ENPP6: variants seen among roughly 807,000 people sequenced by gnomAD.
The protein encoded by ENPP6 is ectonucleotide pyrophosphatase/phosphodiesterase 6.
ENPP6 carries 32 observed loss-of-function variants against 42.0 expected under a neutral mutation model. The observed-to-expected ratio is 0.76, with a 90% CI of 0.58 to 1.02. ENPP6 has a LOEUF of 1.02. ENPP6 is among the 50% of genes least tolerant of loss of function. The probability of loss-of-function intolerance (pLI) is 0.00; values close to 1 mark genes in which losing one functional copy is unlikely to be tolerated. For missense variants in ENPP6, 552 were observed against 566.8 expected (o/e 0.97, Z 0.27); for synonymous variants, 213 against 216.0 (o/e 0.99, Z 0.12).
chr4:184,198,893 C>T (rs968345838), intron 1 of ENPP6, among the ~76,000 whole-genome samples: 1 of 152,164 alleles, frequency 6.6e-6, no homozygotes, highest in African/African-American at 2.4e-5. Flanking sequence ...TACCATGATT[C>T]CTGGTTTCTT....
intron 2 of ENPP6, among the ~76,000 whole-genome samples, chr4:184,127,083 G>T (rs1736517459): frequency 2.0e-5 from 3 of 152,040 alleles, no homozygotes. Flanking sequence ...TTTTAAAAAA[G>T]ATTATTGACT....
intron 1 of ENPP6, among the ~76,000 whole-genome samples, chr4:184,192,513 T>C (rs80108053): frequency 0.024 from 3,617 of 152,200 alleles, 141 homozygotes; most frequent in African/African-American, 0.083. Flanking sequence ...AACATAGGAG[T>C]AAATCATCAC....
intron 1 of ENPP6, among the ~76,000 whole-genome samples, chr4:184,189,479 G>C (rs1004212268): frequency 6.6e-6 from 1 of 152,154 alleles, no homozygotes; most frequent in African/African-American, 2.4e-5. Flanking sequence ...AAAAAGTAAA[G>C]GTAAGCATGG....
chr4:184,192,030 A>T (rs1732718416), intron 1 of ENPP6, among the ~76,000 whole-genome samples: 1 of 152,242 alleles, frequency 6.6e-6, no homozygotes. Flanking sequence ...CAGAAGACTT[A>T]GTATTGTTAA....
intron 2 of ENPP6, among the ~76,000 whole-genome samples, chr4:184,146,023 CTTTTTTTTT>C (rs70959175): frequency 1.4e-5 from 2 of 142,010 alleles, no homozygotes; most frequent in South Asian, 4.5e-4. Flanking sequence ...TTTTCTTTTT[CTTTTTTTTT>C]TTTTTGGTTT....
intron 2 of ENPP6, among the ~76,000 whole-genome samples, chr4:184,142,305 G>A (rs371829957): frequency 1.3e-5 from 2 of 152,350 alleles, no homozygotes; most frequent in African/African-American, 2.4e-5. Context: ...TATGTGTTGC[G>A]AGACAGGTGT....
rs376053175 is a variant in ENPP6 at position 184,091,123 on chromosome 4, T to G, written c.*54A>C. On this transcript the variant is annotated 3_prime_UTR_variant, in exon 8 of 8. Coordinates refer to ENST00000296741, the MANE Select transcript of ENPP6 (RefSeq NM_153343.4). ...CACATAAAATGAAAATCATCTGGCT[T>G]TGGAGGCCCACTTTGCTGATGGTGT... is the stretch of plus-strand genomic sequence containing the variant. 8.5e-4 allele frequency: 1,256 copies of G among 1,480,096 alleles called. 25 individuals carry two copies. The South Asian group carries it at 0.017, about 19-fold the overall frequency. 91.7% of individuals were successfully genotyped at this position (1,480,096 alleles called of 1,614,324 possible).
chr4:184,097,223 A>C, intron 7 of ENPP6, 22 bp downstream of exon 7: 3 of 1,613,998 alleles, frequency 1.9e-6, no homozygotes, highest in Non-Finnish European at 2.5e-6. Context: ...GTCTGAGAGC[A>C]TCTGGTCATT....
chr4:184,164,633 TTCTGACC>T (rs1361006366), intron 1 of ENPP6, among the ~76,000 whole-genome samples: 1 of 152,200 alleles, frequency 6.6e-6, no homozygotes, highest in Non-Finnish European at 1.5e-5. Context: ...AATTTCTGAC[TTCTGACC>T]TCCGGAACTA....
intron 3 of ENPP6, among the ~76,000 whole-genome samples, chr4:184,122,994 C>G (rs191835415): frequency 5.5e-4 from 84 of 152,266 alleles, no homozygotes; most frequent in African/African-American, 2.0e-3. Context: ...CACTCACGGG[C>G]AATTATTTCT....
At chr4:184,105,566 G>A (rs756722177) in intron 6 of ENPP6, among the ~76,000 whole-genome samples, 2 of 152,168 alleles carry the variant, frequency 1.3e-5, no homozygotes, top group Non-Finnish European at 2.9e-5. Context: ...AAAATGCTGA[G>A]CCGCCATTAA....
At chr4:184,101,119 A>G (rs546937812) in intron 6 of ENPP6, among the ~76,000 whole-genome samples, 1 of 152,030 alleles carries the variant, frequency 6.6e-6, no homozygotes, top group Non-Finnish European at 1.5e-5. Flanking sequence ...TGTGCATGCA[A>G]CCTACATGCA....
At chr4:184,163,048 A>G (rs887197364) in intron 1 of ENPP6, among the ~76,000 whole-genome samples, 4 of 152,202 alleles carry the variant, frequency 2.6e-5, no homozygotes, top group African/African-American at 9.6e-5. Context: ...TGGAGAAACC[A>G]GAGGAGGGCA....
intron 2 of ENPP6, among the ~76,000 whole-genome samples, chr4:184,140,953 A>C (rs888419975): frequency 1.5e-5 from 2 of 136,572 alleles, no homozygotes; most frequent in Non-Finnish European, 3.2e-5. Flanking sequence ...GTGAACAGGC[A>C]ACCTACAAAA....
At chr4:184,132,742 TTAGA>T (rs1321922220) in intron 2 of ENPP6, among the ~76,000 whole-genome samples, 7 of 151,588 alleles carry the variant, frequency 4.6e-5, no homozygotes, top group East Asian at 1.9e-4. Flanking sequence ...ATATATGGTA[TTAGA>T]TAGTCAGAAG....
chr4:184,153,737 T>C lies in ENPP6; in HGVS notation c.242-4A>G. On this transcript the variant is annotated splice_polypyrimidine_tract_variant and splice_region_variant and intron_variant, in intron 1 of 7. Transcript: ENST00000296741. ...TGATGGACTTCACAATGGCGGCCTA[T>C]GTCAATGAGAACACAGCTGTCAGTT... is the stretch of plus-strand genomic sequence containing the variant. 1.2e-6 allele frequency: 2 copies of C among 1,613,544 alleles called. No individual in the cohort carries two copies. Among genetic ancestry groups the C allele is most frequent in the Non-Finnish European group, 1.7e-6 (2 of 1,179,704 alleles).
chr4:184,163,212 C>T (rs1383534579), intron 1 of ENPP6, among the ~76,000 whole-genome samples: 1 of 152,188 alleles, frequency 6.6e-6, no homozygotes, highest in Non-Finnish European at 1.5e-5. Context: ...TACTTGTGAG[C>T]TTTGATGGTA....
chr4:184,170,234 A>AGC (rs1737438902), intron 1 of ENPP6, among the ~76,000 whole-genome samples: 1 of 152,206 alleles, frequency 6.6e-6, no homozygotes, highest in Admixed American at 6.5e-5. Context: ...GTTTGAGACC[A>AGC]TACTGGGCAA....
chr4:184,149,916 G>C (rs1288638612), intron 2 of ENPP6, among the ~76,000 whole-genome samples: 3 of 151,948 alleles, frequency 2.0e-5, no homozygotes, highest in Non-Finnish European at 4.4e-5. Flanking sequence ...CTCTGCTTTG[G>C]GTTCTTTCCA....
Sources: gnomAD v4.1 joint callset for allele counts (sites outside exome capture counted in the v4.1 genomes callset) on GRCh38, gnomAD v4.1.1 for gene constraint, MANE v1.5 for transcripts, NCBI Gene and HGNC (gene_info 2026-07-23, HGNC 2026-07-21) for gene names.